Variants in MAGI2 observed in about 807,000 individuals in gnomAD.
MAGI2 encodes membrane-associated guanylate kinase, WW and PDZ domain-containing protein 2.
Under a neutral mutation model 133.3 loss-of-function variants are expected in MAGI2, and 35 were observed. The observed-to-expected ratio is 0.26, with a 90% CI of 0.20 to 0.35. The LOEUF (loss-of-function observed/expected upper bound fraction) is 0.35, where lower values mean the gene tolerates loss of function less well. Among genes scored for constraint, MAGI2 ranks in the 10% least tolerant of loss-of-function variants. The pLI, the probability that MAGI2 is intolerant of heterozygous loss-of-function variation, is 1.00. For missense variants in MAGI2, 1,636 were observed against 1,863.4 expected (o/e 0.88, Z 2.25); for synonymous variants, 729 against 710.6 (o/e 1.03, Z -0.41).
intron 9 of MAGI2, among the ~76,000 whole-genome samples, chr7:78,340,965 G>C (rs1001265456): frequency 2.0e-5 from 3 of 152,046 alleles, no homozygotes; most frequent in African/African-American, 7.3e-5. Context: ...GGGGCAATCA[G>C]GCAAAAGAAA....
At chr7:79,379,010 C>T (rs1326913153) in intron 1 of MAGI2, among the ~76,000 whole-genome samples, 4 of 144,974 alleles carry the variant, frequency 2.8e-5, no homozygotes, top group Admixed American at 7.1e-5. Context: ...GTGCACAACA[C>T]GCAGGTTTGT....
intron 1 of MAGI2, among the ~76,000 whole-genome samples, chr7:79,356,038 T>C (rs752098903): frequency 6.6e-6 from 1 of 152,180 alleles, no homozygotes; most frequent in Admixed American, 6.5e-5. Flanking sequence ...GAAATAAAAA[T>C]GTCCATACAT....
intron 1 of MAGI2, among the ~76,000 whole-genome samples, chr7:79,425,649 G>A (rs1847313725): frequency 6.6e-6 from 1 of 151,028 alleles, no homozygotes; most frequent in Admixed American, 6.6e-5. Flanking sequence ...CATTGTCTGA[G>A]TCTCAGTTCT....
chr7:79,263,950 A>T (rs780036666), intron 1 of MAGI2, among the ~76,000 whole-genome samples: 2 of 152,198 alleles, frequency 1.3e-5, no homozygotes, highest in African/African-American at 2.4e-5. Context: ...GGAGACCCTG[A>T]TCCCCAATCT....
intron 3 of MAGI2, among the ~76,000 whole-genome samples, chr7:78,575,780 G>A (rs1328068533): frequency 1.2e-4 from 19 of 152,094 alleles, no homozygotes; most frequent in Admixed American, 1.2e-3. Flanking sequence ...AAAATTGTGA[G>A]TCACCAAAAA....
chr7:79,435,601 T>A (rs1848080064), intron 1 of MAGI2, among the ~76,000 whole-genome samples: 1 of 132,282 alleles, frequency 7.6e-6, no homozygotes. Flanking sequence ...TCTGGGACTT[T>A]GAACTGAGAA....
intron 1 of MAGI2, among the ~76,000 whole-genome samples, chr7:79,183,167 T>C (rs1315661299): frequency 1.3e-5 from 2 of 151,882 alleles, no homozygotes; most frequent in Non-Finnish European, 1.5e-5. Context: ...CAACCATATA[T>C]TGTATATTTC....
intron 2 of MAGI2, among the ~76,000 whole-genome samples, chr7:78,835,641 C>T (rs1791555092): frequency 6.6e-6 from 1 of 152,102 alleles, no homozygotes; most frequent in South Asian, 2.1e-4. Context: ...TCATTCCTCA[C>T]TCCCAGGAAG....
At chr7:78,748,883 G>A (rs1823186922) in intron 2 of MAGI2, among the ~76,000 whole-genome samples, 1 of 152,094 alleles carries the variant, frequency 6.6e-6, no homozygotes, top group African/African-American at 2.4e-5. Context: ...CAAGAATCTT[G>A]TTCATATATT....
intron 2 of MAGI2, among the ~76,000 whole-genome samples, chr7:78,993,333 A>T (rs1355353370): frequency 6.6e-6 from 1 of 152,178 alleles, no homozygotes; most frequent in East Asian, 1.9e-4. Flanking sequence ...CTTTGACAAC[A>T]TAAAACAAGG....
At chr7:79,383,882 C>G (rs1843988853) in intron 1 of MAGI2, among the ~76,000 whole-genome samples, 3 of 151,114 alleles carry the variant, frequency 2.0e-5, no homozygotes, top group African/African-American at 7.3e-5. Context: ...CAAGGATTTC[C>G]ATTAATGATA....
At chr7:79,321,701 T>C (rs1367349155) in intron 1 of MAGI2, among the ~76,000 whole-genome samples, 1 of 152,184 alleles carries the variant, frequency 6.6e-6, no homozygotes, top group East Asian at 1.9e-4. Context: ...CAATAAGTGT[T>C]GTTGGAGACT....
chr7:78,483,808 A>G (rs1056001223), intron 6 of MAGI2, among the ~76,000 whole-genome samples: 2 of 151,946 alleles, frequency 1.3e-5, no homozygotes, highest in African/African-American at 2.4e-5. Flanking sequence ...AGATATTTGA[A>G]ATTTCATTTT....
At chr7:78,146,207 G>A (rs980617666) in intron 16 of MAGI2, among the ~76,000 whole-genome samples, 2 of 151,672 alleles carry the variant, frequency 1.3e-5, no homozygotes, top group African/African-American at 4.8e-5. Context: ...GAAATGAGTG[G>A]GTCTGTGTTA....
chr7:79,015,550 A>C (rs1808616213), intron 1 of MAGI2, among the ~76,000 whole-genome samples: 2 of 152,166 alleles, frequency 1.3e-5, no homozygotes, highest in Admixed American at 6.5e-5. Flanking sequence ...CAAACAACAG[A>C]CTAATATAGC....
At chr7:79,200,604 C>A (rs1416585062) in intron 1 of MAGI2, among the ~76,000 whole-genome samples, 1 of 147,728 alleles carries the variant, frequency 6.8e-6, no homozygotes, top group Admixed American at 6.6e-5. Context: ...GAATGAGACC[C>A]CATCTCAAAA....
At chr7:78,374,713 G>A (rs913143086) in intron 6 of MAGI2, among the ~76,000 whole-genome samples, 17 of 152,012 alleles carry the variant, frequency 1.1e-4, no homozygotes, top group African/African-American at 4.1e-4. Context: ...CCAGGTTTTG[G>A]TATCATGGTC....
At chr7:79,377,469 A>G (rs1374313341) in intron 1 of MAGI2, among the ~76,000 whole-genome samples, 1 of 151,866 alleles carries the variant, frequency 6.6e-6, no homozygotes, top group African/African-American at 2.4e-5. Flanking sequence ...CATCAATATC[A>G]AAATCAATAA....
chr7:79,428,417 TA>T (rs1336000679), intron 1 of MAGI2, among the ~76,000 whole-genome samples: 1 of 152,174 alleles, frequency 6.6e-6, no homozygotes, highest in Non-Finnish European at 1.5e-5. Flanking sequence ...TTAACTCTGT[TA>T]CAGTCCCATA....
Sources: allele counts gnomAD v4.1 joint callset (sites outside exome capture counted in the v4.1 genomes callset), GRCh38; gene constraint gnomAD v4.1.1; transcripts MANE v1.5; gene names NCBI Gene and HGNC (gene_info 2026-07-23, HGNC 2026-07-21).